ZDHHC11: variants seen among roughly 807,000 people sequenced by gnomAD.
The protein encoded by ZDHHC11 is zDHHC palmitoyltransferase 11.
In ZDHHC11, 44 loss-of-function variants were observed where a neutral mutation model predicts 51.3. That is an observed-to-expected ratio of 0.86 (90% CI 0.67 to 1.10). The LOEUF (loss-of-function observed/expected upper bound fraction) is 1.10. ZDHHC11 is among the 50% of genes least tolerant of loss of function. The pLI, the probability that ZDHHC11 is intolerant of heterozygous loss-of-function variation, is 0.00. For missense variants in ZDHHC11, 400 were observed against 537.7 expected (o/e 0.74, Z 2.53); for synonymous variants, 163 against 222.0 (o/e 0.73, Z 2.36).
upstream of ZDHHC11, among the ~76,000 whole-genome samples, chr5:854,088 G>C (rs1008364493): frequency 6.7e-6 from 1 of 149,022 alleles, no homozygotes; most frequent in African/African-American, 2.5e-5. Flanking sequence ...CAGCGAGCCG[G>C]GGGGCACAGA....
chr5:811,940 G>A (rs1166033296), intron 11 of ZDHHC11, among the ~76,000 whole-genome samples: 15 of 139,166 alleles, frequency 1.1e-4, no homozygotes, highest in South Asian at 2.3e-4. Context: ...AGAAATAAAC[G>A]TGTAGAAACA....
intron 3 of ZDHHC11, among the ~76,000 whole-genome samples, chr5:845,551 C>T (rs1335483819): frequency 6.6e-6 from 1 of 152,192 alleles, no homozygotes; most frequent in African/African-American, 2.4e-5. Context: ...GACACCAGCG[C>T]CGCCTGCCTT....
intron 1 of ZDHHC11, among the ~76,000 whole-genome samples, chr5:858,817 G>A (rs1274444158): frequency 6.6e-6 from 1 of 151,976 alleles, no homozygotes; most frequent in Non-Finnish European, 1.5e-5. Flanking sequence ...CTTCAGGAGT[G>A]CAGGGATTGC....
At chr5:833,594 T>C (rs572189995) in intron 7 of ZDHHC11, among the ~76,000 whole-genome samples, 179 bp downstream of exon 7, 151 of 151,056 alleles carry the variant, frequency 1.0e-3, no homozygotes, top group African/African-American at 3.6e-3. Flanking sequence ...CACATCGAGA[T>C]AGATAATTTG....
chr5:823,012 T>A, intron 8 of ZDHHC11, among the ~76,000 whole-genome samples: 1 of 149,670 alleles, frequency 6.7e-6, no homozygotes, highest in Non-Finnish European at 1.5e-5. Context: ...ATTTTTGAGT[T>A]TTCATGGTTC....
intron 6 of ZDHHC11, among the ~76,000 whole-genome samples, chr5:835,910 G>A (rs1160041760): frequency 2.0e-5 from 3 of 150,910 alleles, no homozygotes; most frequent in African/African-American, 4.9e-5. Context: ...ATGTGCGAGC[G>A]TGTATTTTAA....
chr5:851,384 A>T (rs932008090), upstream of ZDHHC11, among the ~76,000 whole-genome samples: 6 of 151,814 alleles, frequency 4.0e-5, no homozygotes, highest in African/African-American at 1.5e-4. Context: ...AGCGGCAGTG[A>T]AAGACACTCA....
chr5:816,571 T>C, intron 10 of ZDHHC11: 1 of 607,620 alleles, frequency 1.6e-6, no homozygotes, highest in East Asian at 3.9e-5. Context: ...ACGTGGAGAA[T>C]TTTTGTCTAA....
At chr5:804,030 G>A (rs2150289929) in intron 11 of ZDHHC11, among the ~76,000 whole-genome samples, 1 of 150,802 alleles carries the variant, frequency 6.6e-6, no homozygotes, top group African/African-American at 2.4e-5. Context: ...ACCAACATAT[G>A]CAACATAGGA....
At chr5:798,384 C>G (rs12522529) in intron 12 of ZDHHC11, among the ~76,000 whole-genome samples, 25,506 of 126,380 alleles carry the variant, frequency 0.2, 857 homozygotes, top group African/African-American at 0.35. Flanking sequence ...TATTTACACT[C>G]GCACTCACAT....
At chr5:836,800 C>A (rs1444020035) in intron 6 of ZDHHC11, among the ~76,000 whole-genome samples, 1 of 150,080 alleles carries the variant, frequency 6.7e-6, no homozygotes, top group African/African-American at 2.5e-5. Flanking sequence ...GTGACTCATG[C>A]TTGTAATCCC....
chr5:808,996 CA>C, intron 11 of ZDHHC11, among the ~76,000 whole-genome samples: 1 of 144,846 alleles, frequency 6.9e-6, no homozygotes, highest in Non-Finnish European at 1.5e-5. Flanking sequence ...CACACACACA[CA>C]CACACACACA....
intron 5 of ZDHHC11, among the ~76,000 whole-genome samples, chr5:838,327 C>T (rs1202662696): frequency 6.6e-6 from 1 of 152,054 alleles, no homozygotes; most frequent in Admixed American, 6.5e-5. Flanking sequence ...ATTTCAGCCA[C>T]GAGCTTCCAT....
chr5:831,548 A>C (rs1433303371), intron 7 of ZDHHC11, among the ~76,000 whole-genome samples: 1 of 147,574 alleles, frequency 6.8e-6, no homozygotes, highest in African/African-American at 2.5e-5. Flanking sequence ...ATGCCCCTGC[A>C]CTCCAGCCTG....
At chr5:838,032 C>T (rs184269794) in intron 5 of ZDHHC11, among the ~76,000 whole-genome samples, 1,533 of 151,962 alleles carry the variant, frequency 0.01, 46 homozygotes, top group Non-Finnish European at 0.015. Flanking sequence ...CTAGCGGGTC[C>T]TGGGACCACA....
chr5:858,473 G>A lies in ZDHHC11; in HGVS notation c.-1+401C>T, dbSNP rs535621710. Among the ~76,000 whole-genome samples the A allele has an allele frequency of 2.6e-5, 4 of 152,276 alleles. No individual in the cohort carries two copies. In the South Asian group the frequency reaches 8.3e-4, roughly 32 times the overall value. On this transcript the variant is annotated intron_variant, in intron 1 of 3. Transcript: ENST00000685990. The stretch of plus-strand genomic sequence containing the variant: ...CCCCATCCTGTCTTTATGACACCAT[G>A]GTCCCACAGGTCTGTCCTCTTCATC...
intron 12 of ZDHHC11, 87 bp downstream of exon 12, chr5:801,013 T>C: frequency 4.6e-6 from 7 of 1,518,170 alleles, no homozygotes; most frequent in South Asian, 4.6e-5. Flanking sequence ...GAGTTTGCAC[T>C]GGTGATTTTT....
chr5:814,849 T>C, intron 10 of ZDHHC11, 54 bp from the exon 11 acceptor site: 2 of 1,462,836 alleles, frequency 1.4e-6, no homozygotes, highest in South Asian at 2.8e-5. Flanking sequence ...CTTGTTGACA[T>C]TAAACTTATT....
upstream of ZDHHC11, among the ~76,000 whole-genome samples, chr5:853,540 G>A (rs1027221575): frequency 6.6e-6 from 1 of 150,668 alleles, no homozygotes; most frequent in African/African-American, 2.5e-5. Context: ...AGGACAGTGA[G>A]CAGCGGGGAC....
Sources: gnomAD v4.1 joint callset for allele counts (sites outside exome capture counted in the v4.1 genomes callset) on GRCh38, gnomAD v4.1.1 for gene constraint, MANE v1.5 for transcripts, NCBI Gene and HGNC (gene_info 2026-07-23, HGNC 2026-07-21) for gene names.